The following FSTL5 variants were observed in gnomAD, a reference collection of about 807,000 sequenced individuals.
FSTL5 encodes the protein follistatin like 5, also known as follistatin-related protein 5.
Under a neutral mutation model 89.1 loss-of-function variants are expected in FSTL5, and 62 were observed. That is an observed-to-expected ratio of 0.70 (90% confidence interval 0.57 to 0.86). The LOEUF is 0.86. Ranked by LOEUF, FSTL5 falls within the 40% of genes least tolerant of loss-of-function variation. The pLI is 0.00. For synonymous variants in FSTL5, 383 were observed against 346.2 expected, an observed-to-expected ratio of 1.11 and a Z score of -1.18; for missense variants, 1,057 against 1,001.6, an observed-to-expected ratio of 1.06 and a Z score of -0.75.
intron 3 of FSTL5, among the ~76,000 whole-genome samples, chr4:161,928,818 C>T (rs1227351868): frequency 6.6e-6 from 1 of 151,732 alleles, no homozygotes; most frequent in African/African-American, 2.4e-5. Context: ...TGTGTCTTTG[C>T]AAATATTTTC....
chr4:161,544,196 C>T (rs927992438), intron 8 of FSTL5, among the ~76,000 whole-genome samples: 4 of 151,926 alleles, frequency 2.6e-5, no homozygotes, highest in African/African-American at 7.2e-5. Flanking sequence ...TACCACTTCA[C>T]ACCCTCTAGA....
chr4:161,488,150 C>G (rs1479169058), intron 12 of FSTL5, among the ~76,000 whole-genome samples: 1 of 152,036 alleles, frequency 6.6e-6, no homozygotes, highest in Non-Finnish European at 1.5e-5. Context: ...TAAGTTTTAA[C>G]TGAGATTACT....
intron 15 of FSTL5, among the ~76,000 whole-genome samples, chr4:161,410,483 A>G (rs977515145): frequency 5.3e-5 from 8 of 152,202 alleles, no homozygotes; most frequent in Non-Finnish European, 1.0e-4. Flanking sequence ...GTCATAAAGC[A>G]AGCCTCCACA....
intron 3 of FSTL5, among the ~76,000 whole-genome samples, chr4:162,015,820 T>C (rs1248798285): frequency 6.6e-6 from 1 of 152,194 alleles, no homozygotes; most frequent in Non-Finnish European, 1.5e-5. Flanking sequence ...CATGTCAGCT[T>C]TTCCAAAGTC....
At chr4:161,884,845 G>A (rs1212020210) in intron 4 of FSTL5, among the ~76,000 whole-genome samples, 1 of 152,062 alleles carries the variant, frequency 6.6e-6, no homozygotes, top group South Asian at 2.1e-4. Flanking sequence ...GTCTTGCTTT[G>A]AGATCTCATA....
intron 3 of FSTL5, among the ~76,000 whole-genome samples, chr4:162,012,095 A>T (rs1736786481): frequency 1.3e-5 from 2 of 152,170 alleles, no homozygotes; most frequent in African/African-American, 4.8e-5. Context: ...CTAAATCTCC[A>T]TGTGATGCAC....
chr4:161,796,768 T>G (rs1343501949), intron 4 of FSTL5, among the ~76,000 whole-genome samples: 2 of 151,732 alleles, frequency 1.3e-5, no homozygotes, highest in Non-Finnish European at 3.0e-5. Context: ...ATACATGCTA[T>G]TCTTTTATTT....
chr4:161,470,395 T>G (rs1000052982), intron 13 of FSTL5, among the ~76,000 whole-genome samples: 67 of 152,114 alleles, frequency 4.4e-4, no homozygotes, highest in South Asian at 8.3e-4. Flanking sequence ...TAAAAAAAAA[T>G]TGACTATATA....
At chr4:162,019,840 T>G (rs1395273142) in intron 3 of FSTL5, among the ~76,000 whole-genome samples, 1 of 150,478 alleles carries the variant, frequency 6.6e-6, no homozygotes, top group Non-Finnish European at 1.5e-5. Flanking sequence ...TGAATTAATT[T>G]TATATATTTA....
chr4:162,023,530 A>AAAG (rs1737172835), intron 3 of FSTL5, among the ~76,000 whole-genome samples: 1 of 152,118 alleles, frequency 6.6e-6, no homozygotes, highest in Non-Finnish European at 1.5e-5. Flanking sequence ...AAAAGAACAA[A>AAAG]GTATTATCAA....
intron 8 of FSTL5, among the ~76,000 whole-genome samples, chr4:161,569,454 T>C (rs1732927712): frequency 1.3e-5 from 2 of 152,054 alleles, no homozygotes; most frequent in Middle Eastern, 3.2e-3. Context: ...GAAATCAATT[T>C]CAAGGGTGGG....
chr4:161,563,013 A>G (rs1732661666), intron 8 of FSTL5, among the ~76,000 whole-genome samples: 1 of 152,004 alleles, frequency 6.6e-6, no homozygotes, highest in Non-Finnish European at 1.5e-5. Flanking sequence ...TGTAACAACA[A>G]CATGAGCCCT....
chr4:161,430,664 C>T (rs746871456), intron 15 of FSTL5, among the ~76,000 whole-genome samples: 11 of 152,206 alleles, frequency 7.2e-5, no homozygotes, highest in South Asian at 6.2e-4. Flanking sequence ...GGTGTGAACC[C>T]GGGAGGCGGA....
intron 2 of FSTL5, among the ~76,000 whole-genome samples, chr4:162,050,533 C>T (rs146783302): frequency 8.7e-5 from 13 of 149,320 alleles, no homozygotes; most frequent in African/African-American, 3.2e-4. Context: ...AATTAAATAA[C>T]AGTATTTAAT....
intron 12 of FSTL5, among the ~76,000 whole-genome samples, chr4:161,486,143 C>CAAAAAAA (rs1278214856): frequency 1.3e-5 from 1 of 76,162 alleles, no homozygotes; most frequent in Non-Finnish European, 2.7e-5. Context: ...GACTCCGTCT[C>CAAAAAAA]AAAAAAAAAA....
At chr4:161,502,990 T>A (rs1730350880) in intron 11 of FSTL5, among the ~76,000 whole-genome samples, 1 of 151,598 alleles carries the variant, frequency 6.6e-6, no homozygotes, top group Non-Finnish European at 1.5e-5. Flanking sequence ...TTTTGACAAG[T>A]GTAGGGATGA....
chr4:161,989,277 C>G (rs1578922855), intron 3 of FSTL5, among the ~76,000 whole-genome samples: 1 of 152,108 alleles, frequency 6.6e-6, no homozygotes. Flanking sequence ...AAAACTTCCT[C>G]CCTCTGAGTA....
chr4:161,694,478 G>T (rs2126723176), intron 6 of FSTL5, among the ~76,000 whole-genome samples: 1 of 151,846 alleles, frequency 6.6e-6, no homozygotes, highest in East Asian at 1.9e-4. Flanking sequence ...GTTTGTTATT[G>T]ATATTCTCTA....
chr4:161,840,808 T>C (rs1177515299), intron 4 of FSTL5, among the ~76,000 whole-genome samples: 1 of 152,156 alleles, frequency 6.6e-6, no homozygotes, highest in Non-Finnish European at 1.5e-5. Context: ...CTCGTATGAA[T>C]GAAATGACTC....
Sources: allele counts gnomAD v4.1 joint callset (sites outside exome capture counted in the v4.1 genomes callset), GRCh38; gene constraint gnomAD v4.1.1; transcripts MANE v1.5; gene names NCBI Gene and HGNC (gene_info 2026-07-23, HGNC 2026-07-21).